The following RARB variants were observed in gnomAD, a reference collection of about 807,000 sequenced individuals.
The protein encoded by RARB is HBV-activated protein.
RARB carries 17 observed loss-of-function variants against 51.9 expected under a neutral mutation model. The ratio of observed to expected loss-of-function variants is 0.33; its 90% CI spans 0.22 to 0.49. The LOEUF (loss-of-function observed/expected upper bound fraction) is 0.49. Among genes scored for constraint, RARB ranks in the 20% least tolerant of loss-of-function variants. RARB has a pLI of 0.99. For synonymous variants in RARB, 215 were observed against 195.4 expected (o/e 1.10, Z -0.84); for missense variants, 369 against 550.8 (o/e 0.67, Z 3.30).
At chr3:25,477,443 A>G (rs1172465367) in intron 2 of RARB, among the ~76,000 whole-genome samples, 1 of 152,216 alleles carries the variant, frequency 6.6e-6, no homozygotes, top group African/African-American at 2.4e-5. Context: ...CTTAGCCCCA[A>G]GTTGAACTGG....
In RARB at chr3:24,849,990, C is replaced by A. The variant is rs192165958; in HGVS notation, c.-458-8684C>A. Among the ~76,000 whole-genome samples the A allele has an allele frequency of 2.7e-4, 41 of 152,328 alleles. No individual in the cohort carries two copies. In the East Asian group the frequency reaches 4.2e-3, roughly 16 times the overall value. On this transcript the variant is annotated intron_variant, in intron 1 of 11. Transcript: ENST00000383772. ...GACTGAGTAATTTATAAAGCACAGA[C>A]ATTTCTCGCAGTTCTGAAGGCTGGG...
intron 3 of RARB, among the ~76,000 whole-genome samples, chr3:25,080,151 C>T (rs1214847541): frequency 6.6e-6 from 1 of 152,172 alleles, no homozygotes; most frequent in East Asian, 1.9e-4. Context: ...ACGAATTTGC[C>T]TGTTTTGGGT....
At chr3:25,107,108 C>A (rs1010222858) in intron 3 of RARB, among the ~76,000 whole-genome samples, 1 of 152,128 alleles carries the variant, frequency 6.6e-6, no homozygotes, top group Non-Finnish European at 1.5e-5. Context: ...ACCATGTTGA[C>A]CAGGCTGGTC....
intron 3 of RARB, among the ~76,000 whole-genome samples, chr3:25,531,388 GTAGATAGATAGATAGA>G (rs142863604): frequency 0.02 from 2,908 of 145,438 alleles, 107 homozygotes; most frequent in African/African-American, 0.065. Flanking sequence ...AGATAGATAG[GTAGATAGATAGATAGA>G]TAGATAGATA....
At chr3:24,966,636 C>A (rs573007827) in intron 2 of RARB, among the ~76,000 whole-genome samples, 12 of 150,246 alleles carry the variant, frequency 8.0e-5, no homozygotes, top group African/African-American at 3.0e-4. Context: ...CTCTCTCTCT[C>A]TCTCTCTCTG....
intron 3 of RARB, among the ~76,000 whole-genome samples, chr3:25,105,808 C>G (rs938705454): frequency 2.0e-5 from 3 of 152,198 alleles, no homozygotes; most frequent in Non-Finnish European, 4.4e-5. Flanking sequence ...ATCATAACCA[C>G]TTTATAAACT....
At chr3:25,202,077 G>T (rs978297786) in intron 5 of RARB, among the ~76,000 whole-genome samples, 2 of 152,066 alleles carry the variant, frequency 1.3e-5, no homozygotes, top group Admixed American at 6.5e-5. Flanking sequence ...ACTTTTTTTG[G>T]TTGGTAAGCT....
intron 1 of RARB, among the ~76,000 whole-genome samples, chr3:25,450,398 C>T (rs1709140991): frequency 6.6e-6 from 1 of 152,092 alleles, no homozygotes; most frequent in Non-Finnish European, 1.5e-5. Context: ...TGGTTGTCAT[C>T]TCAATTTTTC....
At chr3:25,226,621 A>G (rs1426103840) in intron 5 of RARB, among the ~76,000 whole-genome samples, 3 of 152,144 alleles carry the variant, frequency 2.0e-5, no homozygotes, top group Non-Finnish European at 4.4e-5. Flanking sequence ...CATGAATTTG[A>G]TTTTACACTC....
chr3:25,581,684 C>CG (rs1414297849), intron 5 of RARB, among the ~76,000 whole-genome samples: 1 of 152,016 alleles, frequency 6.6e-6, no homozygotes, highest in Non-Finnish European at 1.5e-5. Context: ...GGTCTTTGGG[C>CG]GGGGGCGATT....
chr3:25,180,813 T>A lies in RARB; in HGVS notation c.178+6238T>A, dbSNP rs973986766. Among the ~76,000 whole-genome samples the A allele has an allele frequency of 4.8e-4, 73 of 152,166 alleles. 1 individual carries two copies. The highest frequency in any genetic ancestry group is 2.6e-4 in the Admixed American group (4 of 15,276). ...GGAGAGAGAGAAAGAATGAATCTAA[T>A]TAGTCTTGTTATTTGAACACATCCA... On this transcript the variant is annotated intron_variant, in intron 5 of 11. Transcript: ENST00000383772.
intron 5 of RARB, among the ~76,000 whole-genome samples, chr3:25,367,940 C>A (rs1706177912): frequency 6.6e-6 from 1 of 152,004 alleles, no homozygotes; most frequent in South Asian, 2.1e-4. Flanking sequence ...AATACTGTTT[C>A]ATGCACTGGG....
chr3:25,530,863 C>A (rs1408654909), intron 3 of RARB, among the ~76,000 whole-genome samples: 2 of 152,166 alleles, frequency 1.3e-5, no homozygotes, highest in Non-Finnish European at 2.9e-5. Context: ...AAAAAATTAT[C>A]CATTGAAATT....
At chr3:25,270,856 A>G (rs954682035) in intron 5 of RARB, among the ~76,000 whole-genome samples, 1 of 152,140 alleles carries the variant, frequency 6.6e-6, no homozygotes, top group African/African-American at 2.4e-5. Flanking sequence ...AGCAATGGGC[A>G]TTACAAGCAA....
chr3:25,130,566 T>A (rs910333188), intron 3 of RARB, among the ~76,000 whole-genome samples: 3 of 152,074 alleles, frequency 2.0e-5, no homozygotes, highest in South Asian at 4.2e-4. Flanking sequence ...CATTTTTTTC[T>A]CTCACTCTTG....
chr3:24,959,108 G>A lies in RARB; in HGVS notation c.-380+100356G>A, dbSNP rs372860143. The stretch of plus-strand genomic sequence containing the variant: ...GTTACAGTGCGCTCTTTTAGCTCTG[G>A]CATCCATATGGACAGCTTAAGTGGT... On this transcript the variant is annotated intron_variant, in intron 2 of 11. Coordinates refer to the RARB transcript ENST00000383772. Among the ~76,000 whole-genome samples, 6 of 152,304 alleles carry A rather than the reference G, an allele frequency of 3.9e-5. No homozygotes were observed. In the East Asian group the frequency reaches 9.7e-4, roughly 25 times the overall value.
chr3:25,412,858 A>G (rs1432248386), intron 5 of RARB, among the ~76,000 whole-genome samples: 6 of 152,054 alleles, frequency 3.9e-5, no homozygotes, highest in African/African-American at 1.4e-4. Context: ...CATCTCTACT[A>G]AAAATACAAA....
At chr3:25,213,068 A>T (rs149870303) in intron 5 of RARB, among the ~76,000 whole-genome samples, 1 of 152,104 alleles carries the variant, frequency 6.6e-6, no homozygotes, top group African/African-American at 2.4e-5. Flanking sequence ...TGCTCACAAC[A>T]GTATTTTTTT....
At chr3:25,282,691 G>T (rs1703555648) in intron 5 of RARB, among the ~76,000 whole-genome samples, 1 of 152,140 alleles carries the variant, frequency 6.6e-6, no homozygotes, top group African/African-American at 2.4e-5. Flanking sequence ...CCAGGGCATT[G>T]CTGCTAGGCT....
Sources: gnomAD v4.1 joint callset for allele counts (sites outside exome capture counted in the v4.1 genomes callset) on GRCh38, gnomAD v4.1.1 for gene constraint, MANE v1.5 for transcripts, NCBI Gene and HGNC (gene_info 2026-07-23, HGNC 2026-07-21) for gene names.